Variants in RNF170 observed in about 807,000 individuals in gnomAD.
The protein encoded by RNF170 is E3 ubiquitin-protein ligase RNF170.
RNF170 carries 12 observed loss-of-function variants against 32.7 expected under a neutral mutation model. The ratio of observed to expected loss-of-function variants is 0.37; its 90% CI spans 0.24 to 0.60. The LOEUF is 0.60. RNF170 is among the 20% of genes least tolerant of loss of function. The probability of loss-of-function intolerance (pLI) is 0.72; values close to 1 mark genes in which losing one functional copy is unlikely to be tolerated. For missense variants in RNF170, 212 were observed against 311.2 expected (o/e 0.68, Z 2.40); for synonymous variants, 91 against 103.6 (o/e 0.88, Z 0.74).
At chr8:42,866,625 C>T (rs1804104249) in intron 4 of RNF170, among the ~76,000 whole-genome samples, 1 of 151,180 alleles carries the variant, frequency 6.6e-6, no homozygotes, top group South Asian at 2.1e-4. Context: ...AATCAAAAGA[C>T]ACAAAAAGAT....
chr8:42,873,216 C>A (rs1447369617), intron 3 of RNF170, among the ~76,000 whole-genome samples: 1 of 151,624 alleles, frequency 6.6e-6, no homozygotes, highest in Non-Finnish European at 1.5e-5. Context: ...ATTTGTGAGG[C>A]CGAGGTGAGA....
intron 4 of RNF170, among the ~76,000 whole-genome samples, chr8:42,869,573 A>T (rs947582421): frequency 6.6e-5 from 10 of 152,320 alleles, no homozygotes; most frequent in South Asian, 6.2e-4. Context: ...CAAAAGAGGC[A>T]GGAGGACTAA....
intron 1 of RNF170, among the ~76,000 whole-genome samples, chr8:42,894,087 C>T (rs766073593): frequency 6.6e-6 from 1 of 152,196 alleles, no homozygotes; most frequent in African/African-American, 2.4e-5. Context: ...CCAAGGCTTA[C>T]GTAGAAACTC....
chr8:42,872,474 C>T (rs2128936517), intron 3 of RNF170, among the ~76,000 whole-genome samples: 1 of 152,226 alleles, frequency 6.6e-6, no homozygotes, highest in Admixed American at 6.5e-5. Context: ...CGGAGTCTCA[C>T]TCTCTGTCAC....
At chr8:42,872,990 G>T (rs1804635300) in intron 3 of RNF170, among the ~76,000 whole-genome samples, 1 of 152,046 alleles carries the variant, frequency 6.6e-6, no homozygotes, top group African/African-American at 2.4e-5. Context: ...AACCTCCCAG[G>T]CTCGAGAGAT....
chr8:42,879,390 C>T (rs1360767189), intron 2 of RNF170, among the ~76,000 whole-genome samples: 7 of 152,210 alleles, frequency 4.6e-5, no homozygotes, highest in Middle Eastern at 3.4e-3. Flanking sequence ...TGGTGGCTCA[C>T]GCCTGTAATC....
chr8:42,897,054 G>T, upstream of RNF170: 1 of 1,121,722 alleles, frequency 8.9e-7, no homozygotes. Flanking sequence ...AGTCAGCTGC[G>T]CGGGCCCCCG....
intron 1 of RNF170, among the ~76,000 whole-genome samples, chr8:42,892,678 T>G (rs1400825288): frequency 2.0e-5 from 3 of 151,626 alleles, no homozygotes; most frequent in African/African-American, 7.3e-5. Context: ...TGCAGCGTTT[T>G]TTTTTTTTTT....
intron 5 of RNF170, among the ~76,000 whole-genome samples, 155 bp from the exon 6 acceptor site, chr8:42,862,010 C>T (rs1258050704): frequency 6.6e-6 from 1 of 152,072 alleles, no homozygotes; most frequent in Non-Finnish European, 1.5e-5. Flanking sequence ...TAAGTAACTG[C>T]TTTGCAATAA....
chr8:42,851,896 G>C (rs1802951985), downstream of RNF170, among the ~76,000 whole-genome samples: 1 of 152,222 alleles, frequency 6.6e-6, no homozygotes, highest in South Asian at 2.1e-4. Context: ...GACTCCCAAA[G>C]TGCTGGGATG....
intron 2 of RNF170, among the ~76,000 whole-genome samples, chr8:42,884,280 C>T (rs1021763255): frequency 9.2e-5 from 14 of 151,956 alleles, no homozygotes. Flanking sequence ...GATGGGGTTT[C>T]ACAATGTTGG....
chr8:42,896,894 G>A (rs1292523478), upstream of RNF170: 2 of 352,216 alleles, frequency 5.7e-6, no homozygotes, highest in Non-Finnish European at 1.0e-5. Context: ...GGGGACGCGG[G>A]GCGGCGGGCG....
At chr8:42,849,968 TG>T (rs1802900053), downstream of RNF170, 1 of 152,258 alleles carries the variant, frequency 6.6e-6, no homozygotes, top group Non-Finnish European at 1.5e-5. Context: ...AGGTGCTCTG[TG>T]GGCTGAGGGA....
chr8:42,865,813 G>A (rs544981884), intron 4 of RNF170, among the ~76,000 whole-genome samples: 4 of 152,146 alleles, frequency 2.6e-5, no homozygotes, highest in South Asian at 2.1e-4. Context: ...GTGAAACCCC[G>A]TCTCTACTAA....
Position 42,855,990 on chromosome 8 carries a change from A to G in RNF170, c.*169T>C, listed in dbSNP as rs919450567. 1 of 1,475,552 alleles carries G rather than the reference A, an allele frequency of 6.8e-7. No individual in the cohort carries two copies. Among genetic ancestry groups the G allele is most frequent in the Non-Finnish European group, 9.1e-7 (1 of 1,104,052 alleles). 91.4% of individuals were successfully genotyped at this position (1,475,552 alleles called of 1,614,324 possible). On this transcript the variant is annotated 3_prime_UTR_variant, in exon 7 of 7. Transcript: ENST00000527424. ...TTAGAACTTCAAACATGAAAATTCC[A>G]GTTATACCTAGGTATTTGTCAAATG...
chr8:42,874,055 A>G (rs1563263095), intron 2 of RNF170, 49 bp from the exon 3 acceptor site: 4 of 1,139,622 alleles, frequency 3.5e-6, no homozygotes, highest in Non-Finnish European at 5.3e-6. Context: ...TTATCATATG[A>G]ATCCATTTTC....
chr8:42,884,560 A>G (rs1805657354), intron 2 of RNF170, among the ~76,000 whole-genome samples: 1 of 152,094 alleles, frequency 6.6e-6, no homozygotes, highest in Non-Finnish European at 1.5e-5. Context: ...CTATTTTGAC[A>G]GTCTCCCCTG....
chr8:42,861,689 CAA>C, intron 6 of RNF170, 54 bp downstream of exon 6: 2 of 1,383,188 alleles, frequency 1.4e-6, no homozygotes, highest in Non-Finnish European at 2.1e-6. Flanking sequence ...CCTCACTTTA[CAA>C]AAGAGAAGAA....
In RNF170 at chr8:42,854,579, AAC is replaced by A; in HGVS notation, c.*1578_*1579del. 1 of 1,287,076 alleles carries A rather than the reference AAC, an allele frequency of 7.8e-7. No homozygotes were observed. The highest frequency in any genetic ancestry group is 1.0e-6 in the Non-Finnish European group (1 of 988,534). 79.7% of individuals were successfully genotyped at this position (1,287,076 alleles called of 1,614,324 possible). On this transcript the variant is annotated 3_prime_UTR_variant, in exon 7 of 7. Transcript: ENST00000527424. The stretch of plus-strand genomic sequence containing the variant: ...CTCTGTCCTAGGTCCAAATTAGAAA[AAC>A]ACATATTGATATTTCATTCAGAATC...
Sources: allele counts gnomAD v4.1 joint callset (sites outside exome capture counted in the v4.1 genomes callset), GRCh38; gene constraint gnomAD v4.1.1; transcripts MANE v1.5; gene names NCBI Gene and HGNC (gene_info 2026-07-23, HGNC 2026-07-21).